The following SAP30L variants were observed in gnomAD, a reference collection of about 807,000 sequenced individuals.
SAP30L encodes the protein SAP30 like.
SAP30L carries 10 observed loss-of-function variants against 22.3 expected under a neutral mutation model. The ratio of observed to expected loss-of-function variants is 0.45; its 90% confidence interval spans 0.28 to 0.76. SAP30L has a LOEUF of 0.76. Ranked by LOEUF, SAP30L falls within the 30% of genes least tolerant of loss-of-function variation. SAP30L has a pLI of 0.14. For missense variants in SAP30L, 206 were observed against 237.9 expected (o/e 0.87, Z 0.88); for synonymous variants, 91 against 94.1 (o/e 0.97, Z 0.19).
chr5:154,457,807 G>GT lies in SAP30L; in HGVS notation c.*1780dup, dbSNP rs918657479. The GT allele has an allele frequency of 2.0e-5, 3 of 152,144 alleles. 1 individual carries two copies. The highest frequency in any genetic ancestry group is 7.2e-5 in the African/African-American group (3 of 41,444). 9.4% of individuals were successfully genotyped at this position (152,144 alleles called of 1,614,324 possible). A position where few individuals can be genotyped will look rare whatever the true frequency, so the allele number is the denominator to read the frequency against. The stretch of plus-strand genomic sequence containing the variant: ...CTGTGGATGGCATGTCCAGTGCTCT[G>GT]TGAGTGTTTTCAGTCATTCACATTC... On this transcript the variant is annotated 3_prime_UTR_variant, in exon 4 of 4. Coordinates refer to ENST00000297109, the MANE Select transcript of SAP30L (RefSeq NM_024632.6).
Position 154,458,272 on chromosome 5 carries a change from A to G in SAP30L, c.*2244A>G, listed in dbSNP as rs551484489. ...TGTGGGCATCTTTTCAACCTTTTCAATCTGACCTTTCAACAGGTCAGGTGA... is the reference window on the plus strand; with the variant it reads ...TGTGGGCATCTTTTCAACCTTTTCAGTCTGACCTTTCAACAGGTCAGGTGA... On this transcript the variant is annotated 3_prime_UTR_variant, in exon 4 of 4. Coordinates refer to ENST00000297109, the MANE Select transcript of SAP30L (RefSeq NM_024632.6). 6 of 152,350 alleles carry G rather than the reference A, an allele frequency of 3.9e-5. No homozygotes were observed. In the East Asian group the frequency reaches 1.2e-3, roughly 29 times the overall value. The allele number at this position is 152,350 out of a possible 1,614,324, so 9.4% of individuals were successfully genotyped here.
chr5:154,453,381 T>C (rs760151229), intron 2 of SAP30L, 21 bp from the exon 3 acceptor site: 6 of 1,588,260 alleles, frequency 3.8e-6, no homozygotes, highest in South Asian at 1.1e-5. Flanking sequence ...ATGGATAACA[T>C]TTTTCTCCTC....
In SAP30L at chr5:154,456,751, T is replaced by C. The variant is rs767706869; in HGVS notation, c.*723T>C. ...AGATAAGGATTTCAGGACAGTTGCATGTGCAAAACTATTCGTTGAGGTTCC... is the reference window on the plus strand; with the variant it reads ...AGATAAGGATTTCAGGACAGTTGCACGTGCAAAACTATTCGTTGAGGTTCC... On this transcript the variant is annotated 3_prime_UTR_variant, in exon 4 of 4. Transcript: ENST00000297109. 1 of 152,240 alleles carries C rather than the reference T, an allele frequency of 6.6e-6. No individual in the cohort carries two copies. The highest frequency in any genetic ancestry group is 1.5e-5 in the Non-Finnish European group (1 of 68,042). 9.4% of individuals were successfully genotyped at this position (152,240 alleles called of 1,614,324 possible). A position where few individuals can be genotyped will look rare whatever the true frequency, so the allele number is the denominator to read the frequency against.
At position 154,458,884 on chromosome 5, in the gene SAP30L, C is replaced by T. The variant is rs929626962; in HGVS notation, c.*2856C>T. On this transcript the variant is annotated 3_prime_UTR_variant, in exon 4 of 4. Transcript: ENST00000297109. ...GATTAAAAACCAAAGGATTCAAGAC[C>T]GGTGTTGTAAAATGAAGAGGAATTT... The T allele has an allele frequency of 2.6e-5, 4 of 152,138 alleles. No individual in the cohort carries two copies. The highest frequency in any genetic ancestry group is 7.2e-5 in the African/African-American group (3 of 41,428). The allele number at this position is 152,138 out of a possible 1,614,324, so 9.4% of individuals were successfully genotyped here.
intron 1 of SAP30L, 104 bp from the exon 2 acceptor site, chr5:154,450,987 C>G (rs1349305780): frequency 8.3e-7 from 1 of 1,206,930 alleles, no homozygotes; most frequent in Non-Finnish European, 1.2e-6. Flanking sequence ...TTCCATCTAT[C>G]TCTCCAATGC....
In SAP30L at chr5:154,460,473, G is replaced by A. The variant is rs1288565698; in HGVS notation, c.*4445G>A. ...GCAGATGAGCTCAAGATCATGCCTT[G>A]GGAAGCATGGTGCTCTAGGGGTGCC... On this transcript the variant is annotated 3_prime_UTR_variant, in exon 4 of 4. Transcript: ENST00000297109. 1 of 152,210 alleles carries A rather than the reference G, an allele frequency of 6.6e-6. No individual in the cohort carries two copies. Among genetic ancestry groups the A allele is most frequent in the East Asian group, 1.9e-4 (1 of 5,202 alleles). The allele number at this position is 152,210 out of a possible 1,614,324, so 9.4% of individuals were successfully genotyped here.
rs957384024 is a variant in SAP30L, at chr5:154,451,137, G to A, written c.248G>A (p.Ser83Asn). 5.6e-6 allele frequency: 9 copies of A among 1,614,084 alleles called. No individual in the cohort carries two copies. The highest frequency in any genetic ancestry group is 7.6e-6 in the Non-Finnish European group (9 of 1,179,932). ...ICDFHKNFIQ[S>N]VRNKRKRKTS... The stretch of plus-strand genomic sequence containing the variant: ...GATTTTCACAAAAATTTCATCCAGA[G>A]TGTCCGAAATAAAAGGAAGAGGAAG... The change falls in exon 2 of 4, where the codon AGT (serine) becomes AAT (asparagine). Residue 83 changes from serine to asparagine, a missense_variant. By Grantham distance (46) the Ser-to-Asn change is conservative. Coordinates refer to ENST00000297109, the MANE Select transcript of SAP30L (RefSeq NM_024632.6).
chr5:154,449,142 A>G (rs150494296), intron 1 of SAP30L, among the ~76,000 whole-genome samples: 76 of 152,362 alleles, frequency 5.0e-4, no homozygotes, highest in East Asian at 1.2e-3. Flanking sequence ...TTTTTAAATA[A>G]CAACACCAGA....
chr5:154,454,042 T>C (rs979707543), intron 3 of SAP30L, among the ~76,000 whole-genome samples: 1 of 152,246 alleles, frequency 6.6e-6, no homozygotes, highest in Non-Finnish European at 1.5e-5. Context: ...CAAGTGATTC[T>C]CTTTGGCTCA....
Position 154,446,621 on chromosome 5 carries a change from C to A in SAP30L, c.17C>A (p.Thr6Lys). The change falls in exon 1 of 4, where the codon ACG becomes AAG. Residue 6 changes from threonine to lysine, a missense_variant. By Grantham distance (78) the Thr-to-Lys change is moderately conservative (BLOSUM62 -1). This residue lies in a region of SAP30L where 70 missense variants were observed against 50.5 expected (regional missense o/e 1.39). Transcript: ENST00000297109. ...GGCGGGGAGATGAACGGCTTCAGCA[C>A]GGAGGAGGACAGCCGCGAAGGGCCC... Reference protein sequence around the residue: MNGFSTEEDSREGPPA... With the variant: MNGFSKEEDSREGPPA... 4 of 1,513,222 alleles carry A rather than the reference C, an allele frequency of 2.6e-6. No individual in the cohort carries two copies. Among genetic ancestry groups the A allele is most frequent in the Non-Finnish European group, 3.5e-6 (4 of 1,134,576 alleles). The allele number at this position is 1,513,222 out of a possible 1,614,324, so 93.7% of individuals were successfully genotyped here. A position where few individuals can be genotyped will look rare whatever the true frequency, so the allele number is the denominator to read the frequency against.
In SAP30L at chr5:154,446,200, A is replaced by T. The variant is rs1399370766; in HGVS notation, c.-405A>T. Reference sequence around the variant, plus strand: ...GCAGCGAGTTTGCCCCGCTGCCGAAAGAAGGCGGGAGCCGGCAGGGGCCTT... The same window carrying T: ...GCAGCGAGTTTGCCCCGCTGCCGAATGAAGGCGGGAGCCGGCAGGGGCCTT... On this transcript the variant is annotated 5_prime_UTR_variant, in exon 1 of 4. It adds an upstream start codon to the 5' untranslated region. Coordinates refer to ENST00000297109, the MANE Select transcript of SAP30L (RefSeq NM_024632.6). 1 of 159,894 alleles carries T rather than the reference A, an allele frequency of 6.3e-6. No homozygotes were observed. Among genetic ancestry groups the T allele is most frequent in the Non-Finnish European group, 1.4e-5 (1 of 73,548 alleles). The allele number at this position is 159,894 out of a possible 1,614,324, so 9.9% of individuals were successfully genotyped here.
chr5:154,452,174 T>C (rs1334501811), intron 2 of SAP30L, among the ~76,000 whole-genome samples: 4 of 152,136 alleles, frequency 2.6e-5, no homozygotes, highest in African/African-American at 9.7e-5. Context: ...AAAATGACTG[T>C]GTAGGAATAG....
At position 154,459,293 on chromosome 5, in the gene SAP30L, A is replaced by C. The variant is rs1187405464; in HGVS notation, c.*3265A>C. ...AGGTGCTGACATTCTGCCTACAACC[A>C]TCCCACCAAGGGGTTGAGCAGTCTG... On this transcript the variant is annotated 3_prime_UTR_variant, in exon 4 of 4. Coordinates refer to ENST00000297109, the MANE Select transcript of SAP30L (RefSeq NM_024632.6). 6.6e-6 allele frequency: 1 copy of C among 152,228 alleles called. No individual in the cohort carries two copies. The highest frequency in any genetic ancestry group is 1.5e-5 in the Non-Finnish European group (1 of 68,054). The allele number at this position is 152,228 out of a possible 1,614,324, so 9.4% of individuals were successfully genotyped here.
intron 2 of SAP30L, among the ~76,000 whole-genome samples, chr5:154,452,692 G>C (rs1254568659): frequency 6.6e-6 from 1 of 151,384 alleles, no homozygotes; most frequent in Non-Finnish European, 1.5e-5. Context: ...GGGAGGTTAA[G>C]GATTCTAATA....
At position 154,446,293 on chromosome 5, in the gene SAP30L, A is replaced by G; in HGVS notation, c.-312A>G. On this transcript the variant is annotated 5_prime_UTR_variant, in exon 1 of 4. Coordinates refer to ENST00000297109, the MANE Select transcript of SAP30L (RefSeq NM_024632.6). ...GCTGTTTCCTGGGACGCCCTCCCGG[A>G]CACCCCCGCTGCAGGGTTACGGTTC... The G allele has an allele frequency of 3.5e-6, 1 of 286,938 alleles. No homozygotes were observed. Among genetic ancestry groups the G allele is most frequent in the Non-Finnish European group, 6.5e-6 (1 of 154,712 alleles). 17.8% of individuals were successfully genotyped at this position (286,938 alleles called of 1,614,324 possible).
At chr5:154,454,451 A>G (rs992698528) in intron 3 of SAP30L, among the ~76,000 whole-genome samples, 6 of 152,214 alleles carry the variant, frequency 3.9e-5, no homozygotes, top group African/African-American at 1.4e-4. Context: ...AAAATGGAGA[A>G]AAGAAAAATA....
chr5:154,453,791 T>C (rs1757203927), intron 3 of SAP30L, among the ~76,000 whole-genome samples: 1 of 152,248 alleles, frequency 6.6e-6, no homozygotes, highest in African/African-American at 2.4e-5. Flanking sequence ...TTCTAAGTCC[T>C]GAGTGTTCAT....
intron 1 of SAP30L, among the ~76,000 whole-genome samples, chr5:154,450,884 G>A (rs1211277816): frequency 6.6e-6 from 1 of 152,208 alleles, no homozygotes; most frequent in Non-Finnish European, 1.5e-5. Flanking sequence ...TGGAAGTTTG[G>A]TGTATGATAC....
At chr5:154,455,865 G>C (rs1459137920) in intron 3 of SAP30L, 35 bp from the exon 4 acceptor site, 1 of 1,583,400 alleles carries the variant, frequency 6.3e-7, no homozygotes. Context: ...ATTTGTGCAT[G>C]GTTTAAGGAA....
Sources: gnomAD v4.1 joint callset for allele counts (sites outside exome capture counted in the v4.1 genomes callset) on GRCh38, gnomAD v4.1.1 for gene constraint, gnomAD v4.1.1 regional missense constraint, MANE v1.5 for transcripts, NCBI Gene and HGNC (gene_info 2026-07-23, HGNC 2026-07-21) for gene names.